MAMDC2: variants seen among roughly 807,000 people sequenced by gnomAD.
MAMDC2 encodes the protein MAM domain containing 2.
A neutral mutation model predicts 89.8 loss-of-function variants in MAMDC2; 57 were observed. That is an observed-to-expected ratio of 0.63 (90% CI 0.51 to 0.79). MAMDC2 has a LOEUF of 0.79. Among genes scored for constraint, MAMDC2 ranks in the 30% least tolerant of loss-of-function variants. The pLI, the probability that MAMDC2 is intolerant of heterozygous loss-of-function variation, is 0.00. For synonymous variants in MAMDC2, 313 were observed against 293.4 expected (o/e 1.07, Z -0.68); for missense variants, 800 against 820.6 (o/e 0.97, Z 0.31).
chr9:70,063,045 C>T (rs991907405), intron 2 of MAMDC2: 5 of 152,364 alleles, frequency 3.3e-5, no homozygotes, highest in African/African-American at 1.2e-4. Context: ...CACCTGAGGT[C>T]AGGAGTTTGA....
chr9:70,181,479 G>T (rs1402601242), intron 11 of MAMDC2, among the ~76,000 whole-genome samples: 1 of 151,978 alleles, frequency 6.6e-6, no homozygotes, highest in African/African-American at 2.4e-5. Flanking sequence ...TCTTCCTATT[G>T]ATAAGCATGG....
chr9:70,221,356 A>AATATATACATATATATATATATAT (rs2033551530), intron 12 of MAMDC2, among the ~76,000 whole-genome samples: 1 of 9,422 alleles, frequency 1.1e-4, no homozygotes, highest in African/African-American at 3.0e-4. Context: ...CCAAACAACA[A>AATATATACATATATATATATATAT]ATATATATAT....
intron 9 of MAMDC2, among the ~76,000 whole-genome samples, chr9:70,168,099 C>T (rs766990270): frequency 1.3e-5 from 2 of 152,232 alleles, no homozygotes; most frequent in African/African-American, 2.4e-5. Context: ...ACGCAGTTAA[C>T]TTCTTGCTTT....
chr9:70,058,494 G>A (rs1351723398), intron 2 of MAMDC2, among the ~76,000 whole-genome samples: 1 of 152,058 alleles, frequency 6.6e-6, no homozygotes, highest in Non-Finnish European at 1.5e-5. Flanking sequence ...ATTGTTCTCC[G>A]TGTTTTTTAT....
intron 12 of MAMDC2, among the ~76,000 whole-genome samples, 165 bp downstream of exon 12, chr9:70,218,761 C>A (rs1457901901): frequency 6.6e-6 from 1 of 152,204 alleles, no homozygotes; most frequent in Non-Finnish European, 1.5e-5. Flanking sequence ...TTGATTAAAT[C>A]TAAGCAGTGA....
intron 9 of MAMDC2, chr9:70,153,523 G>T (rs971688133): frequency 2.6e-5 from 4 of 152,168 alleles, no homozygotes; most frequent in African/African-American, 9.7e-5. Flanking sequence ...TCGTTCAGTG[G>T]TCTGTTAATT....
intron 5 of MAMDC2, 125 bp from the exon 6 acceptor site, chr9:70,126,034 A>T: frequency 9.5e-7 from 1 of 1,054,594 alleles, no homozygotes; most frequent in Non-Finnish European, 1.4e-6. Context: ...GCTGTAACTC[A>T]TCCACTTCCT....
At chr9:70,084,564 C>T (rs1323987690) in intron 2 of MAMDC2, among the ~76,000 whole-genome samples, 1 of 152,064 alleles carries the variant, frequency 6.6e-6, no homozygotes, top group Non-Finnish European at 1.5e-5. Flanking sequence ...CTTTACTCCA[C>T]TAACAATGTC....
chr9:70,128,854 G>A (rs957305224), intron 6 of MAMDC2, among the ~76,000 whole-genome samples: 4 of 151,936 alleles, frequency 2.6e-5, no homozygotes, highest in Admixed American at 2.0e-4. Context: ...ATGAGGTTTC[G>A]CCATGTTGCC....
At chr9:70,112,945 A>T (rs1828548579) in intron 4 of MAMDC2, 50 bp from the exon 5 acceptor site, 1 of 1,610,152 alleles carries the variant, frequency 6.2e-7, no homozygotes, top group East Asian at 2.2e-5. Flanking sequence ...GGATGCGTGT[A>T]CCCAGGTGTG....
Position 70,126,289 on chromosome 9 carries a change from C to T in MAMDC2, c.774C>T (p.Asp258=). ...SFYYQIQQGN[D]NVFSLYTRDV... ...ATTACCAGATCCAGCAGGGGAATGA[C>T]AATGTCTTTTCCCTTTACACTCGGG... The change falls in exon 6 of 14, where the codon GAC becomes GAT. Residue 258 remains aspartate (D), a synonymous_variant. Transcript: ENST00000377182. 6.2e-7 allele frequency: 1 copy of T among 1,614,188 alleles called. No homozygotes were observed. The highest frequency in any genetic ancestry group is 8.5e-7 in the Non-Finnish European group (1 of 1,180,032).
At chr9:70,080,535 G>A (rs1185934743) in intron 2 of MAMDC2, among the ~76,000 whole-genome samples, 1 of 152,062 alleles carries the variant, frequency 6.6e-6, no homozygotes, top group East Asian at 1.9e-4. Flanking sequence ...TTTACCTTAA[G>A]GTCCTCTGTT....
intron 5 of MAMDC2, among the ~76,000 whole-genome samples, chr9:70,125,425 T>C (rs1307966062): frequency 3.9e-5 from 6 of 152,196 alleles, no homozygotes; most frequent in Admixed American, 3.9e-4. Flanking sequence ...GGATTCAACC[T>C]CATTTCTCTT....
At chr9:70,066,025 C>T (rs1827254373) in intron 2 of MAMDC2, among the ~76,000 whole-genome samples, 1 of 152,122 alleles carries the variant, frequency 6.6e-6, no homozygotes, top group Non-Finnish European at 1.5e-5. Context: ...TCCGACTCTC[C>T]TGAAACTTAT....
chr9:70,225,695 C>A, intron 12 of MAMDC2, 55 bp from the exon 13 acceptor site: 1 of 1,142,846 alleles, frequency 8.8e-7, no homozygotes, highest in Non-Finnish European at 1.3e-6. Context: ...CTGCCCTGAC[C>A]AGCACTGTAA....
intron 9 of MAMDC2, among the ~76,000 whole-genome samples, chr9:70,145,842 TGAA>T (rs993490538): frequency 2.0e-4 from 30 of 152,180 alleles, no homozygotes; most frequent in Non-Finnish European, 3.4e-4. Flanking sequence ...ATCCTACCCT[TGAA>T]GAAGAAGAGA....
At chr9:70,130,932 C>T (rs2030781805) in intron 6 of MAMDC2, among the ~76,000 whole-genome samples, 1 of 152,122 alleles carries the variant, frequency 6.6e-6, no homozygotes, top group Non-Finnish European at 1.5e-5. Flanking sequence ...GGAAGAGGGG[C>T]ATATCCATCA....
intron 11 of MAMDC2, among the ~76,000 whole-genome samples, chr9:70,181,256 C>T (rs2032639666): frequency 6.6e-6 from 1 of 152,116 alleles, no homozygotes; most frequent in African/African-American, 2.4e-5. Context: ...TTACTGTAGC[C>T]TTGTAGTATA....
chr9:70,112,742 G>A (rs1415613846), intron 4 of MAMDC2, among the ~76,000 whole-genome samples: 1 of 152,156 alleles, frequency 6.6e-6, no homozygotes, highest in East Asian at 1.9e-4. Flanking sequence ...AAAGTGGTAA[G>A]TCATGCTCCA....
Sources: gnomAD v4.1 joint callset for allele counts (sites outside exome capture counted in the v4.1 genomes callset) on GRCh38, gnomAD v4.1.1 for gene constraint, MANE v1.5 for transcripts, NCBI Gene and HGNC (gene_info 2026-07-23, HGNC 2026-07-21) for gene names.